The following COG5 variants were observed in gnomAD, a reference collection of about 807,000 sequenced individuals.
The protein encoded by COG5 is component of oligomeric golgi complex 5.
A neutral mutation model predicts 110.4 loss-of-function variants in COG5; 86 were observed. The ratio of observed to expected loss-of-function variants is 0.78; its 90% CI spans 0.65 to 0.93. The LOEUF is 0.93. COG5 is among the 40% of genes least tolerant of loss of function. The pLI is 0.00. For missense variants in COG5, 1,077 were observed against 987.0 expected (o/e 1.09, Z -1.22); for synonymous variants, 360 against 334.6 (o/e 1.08, Z -0.83).
intron 15 of COG5, among the ~76,000 whole-genome samples, chr7:107,257,846 C>A (rs1802998448): frequency 6.6e-6 from 1 of 152,080 alleles, no homozygotes; most frequent in Non-Finnish European, 1.5e-5. Context: ...TTGAATACAG[C>A]TCCTCCCTGA....
intron 10 of COG5, among the ~76,000 whole-genome samples, chr7:107,334,888 CTG>C (rs1259552073): frequency 1.3e-5 from 2 of 152,030 alleles, no homozygotes; most frequent in African/African-American, 4.8e-5. Context: ...AATACTGTAA[CTG>C]TGCTGTGTGA....
chr7:107,203,819 C>A (rs1456298390), intron 21 of COG5, among the ~76,000 whole-genome samples, 189 bp from the exon 22 acceptor site: 1 of 152,182 alleles, frequency 6.6e-6, no homozygotes, highest in Non-Finnish European at 1.5e-5. Flanking sequence ...ACGGTTACTA[C>A]GTTTAGTGTG....
chr7:107,371,678 G>T (rs1814176773), intron 8 of COG5, among the ~76,000 whole-genome samples: 1 of 152,086 alleles, frequency 6.6e-6, no homozygotes, highest in African/African-American at 2.4e-5. Flanking sequence ...GCTGAAGAAA[G>T]AAATTAAGAT....
intron 6 of COG5, among the ~76,000 whole-genome samples, chr7:107,524,941 G>GT (rs1800619199): frequency 6.6e-6 from 1 of 151,978 alleles, no homozygotes; most frequent in South Asian, 2.1e-4. Context: ...TTGTTTGTTT[G>GT]TTTGTTTTGA....
intron 14 of COG5, among the ~76,000 whole-genome samples, chr7:107,270,341 G>A (rs1013019490): frequency 6.7e-6 from 1 of 149,102 alleles, no homozygotes; most frequent in Non-Finnish European, 1.5e-5. Flanking sequence ...GTTCGCTACA[G>A]CCTCCACCTT....
chr7:107,435,930 G>A (rs1794336678), intron 6 of COG5, among the ~76,000 whole-genome samples: 1 of 152,126 alleles, frequency 6.6e-6, no homozygotes, highest in South Asian at 2.1e-4. Flanking sequence ...AGAAAATGTG[G>A]TATACATACA....
At chr7:107,551,520 T>C (rs1357020079) in intron 3 of COG5, among the ~76,000 whole-genome samples, 2 of 152,226 alleles carry the variant, frequency 1.3e-5, no homozygotes, top group East Asian at 3.8e-4. Flanking sequence ...ATTTTTCTAA[T>C]ATGTATACAC....
chr7:107,214,361 C>A (rs1344464717), intron 19 of COG5, among the ~76,000 whole-genome samples: 2 of 152,036 alleles, frequency 1.3e-5, no homozygotes, highest in African/African-American at 2.4e-5. Context: ...GTGCTGCCAA[C>A]CAAAAAAGCT....
chr7:107,463,415 T>C (rs1350760053), intron 6 of COG5, among the ~76,000 whole-genome samples: 3 of 152,226 alleles, frequency 2.0e-5, no homozygotes, highest in Admixed American at 1.3e-4. Flanking sequence ...GGATGATACA[T>C]TATTTTTGCT....
At position 107,403,386 on chromosome 7, in the gene COG5, C is replaced by CT. The variant is rs879845783; in HGVS notation, c.669+9115dup. Among the ~76,000 whole-genome samples the CT allele has an allele frequency of 2.0e-3, 283 of 144,292 alleles. 1 individual carries two copies. The highest frequency in any genetic ancestry group is 5.5e-3 in the African/African-American group (218 of 39,480). 94.7% of individuals were successfully genotyped at this position (144,292 alleles called of 152,430 possible). A position where few individuals can be genotyped will look rare whatever the true frequency, so the allele number is the denominator to read the frequency against. On this transcript the variant is annotated intron_variant, in intron 7 of 21. Transcript: ENST00000297135. ...TGTTCCTAGTTCACAGAAAGACACC[C>CT]TTTTTTTTTTTTTAAATTATACTTT...
intron 10 of COG5, among the ~76,000 whole-genome samples, chr7:107,335,168 C>A (rs945099474): frequency 6.6e-6 from 1 of 152,084 alleles, no homozygotes; most frequent in Non-Finnish European, 1.5e-5. Context: ...GTTGTCATCT[C>A]TTTAAAATAA....
intron 14 of COG5, among the ~76,000 whole-genome samples, chr7:107,262,555 T>C (rs1260495261): frequency 1.3e-5 from 2 of 152,186 alleles, no homozygotes; most frequent in Non-Finnish European, 2.9e-5. Context: ...TGTGAGAAGC[T>C]GAATGAGCTT....
Position 107,474,607 on chromosome 7 carries a change from A to C in COG5, c.538+52630T>G, listed in dbSNP as rs760172905. ...TCCTTTTATTGAGGTAAATTTTTTCAGTCTTCAAAGTGGAAATACCTGGGA... is the reference window on the plus strand; with the variant it reads ...TCCTTTTATTGAGGTAAATTTTTTCCGTCTTCAAAGTGGAAATACCTGGGA... On this transcript the variant is annotated intron_variant, in intron 6 of 21. Transcript: ENST00000297135. The surrounding 1 kb of genome is among the most constrained non-coding windows in gnomAD (Gnocchi z 5.7). The C allele has an allele frequency of 6.2e-7, 1 of 1,609,704 alleles. No homozygotes were observed. Among genetic ancestry groups the C allele is most frequent in the Non-Finnish European group, 8.5e-7 (1 of 1,178,140 alleles).
At chr7:107,354,158 AGTG>A (rs1812418716) in intron 10 of COG5, among the ~76,000 whole-genome samples, 1 of 152,216 alleles carries the variant, frequency 6.6e-6, no homozygotes, top group Non-Finnish European at 1.5e-5. Context: ...ACTTTAGTAA[AGTG>A]AGACATATGA....
intron 19 of COG5, among the ~76,000 whole-genome samples, chr7:107,227,017 T>A (rs531987489): frequency 1.3e-5 from 2 of 152,138 alleles, no homozygotes. Flanking sequence ...ACCTCAGAGA[T>A]ACCAGAATCC....
chr7:107,519,337 C>T (rs922310504), intron 6 of COG5, among the ~76,000 whole-genome samples: 4 of 151,726 alleles, frequency 2.6e-5, no homozygotes, highest in African/African-American at 9.7e-5. Context: ...ACGAAAAATC[C>T]TTCAAAAAAT....
intron 10 of COG5, among the ~76,000 whole-genome samples, chr7:107,347,136 C>A (rs1329856318): frequency 6.6e-6 from 1 of 152,148 alleles, no homozygotes; most frequent in Non-Finnish European, 1.5e-5. Flanking sequence ...AGTTGATTCA[C>A]TCAAACAACT....
At chr7:107,235,484 CA>C (rs1801114228) in intron 18 of COG5, among the ~76,000 whole-genome samples, 1 of 152,228 alleles carries the variant, frequency 6.6e-6, no homozygotes, top group Admixed American at 6.5e-5. Flanking sequence ...GCGGGTGGAT[CA>C]CAAGGTCAGG....
chr7:107,241,752 T>C (rs569177806), intron 17 of COG5, among the ~76,000 whole-genome samples: 1 of 151,988 alleles, frequency 6.6e-6, no homozygotes, highest in Non-Finnish European at 1.5e-5. Flanking sequence ...GCGCCCAGCC[T>C]GTGCTTCATA....
Sources: gnomAD v4.1 joint callset for allele counts (sites outside exome capture counted in the v4.1 genomes callset) on GRCh38, gnomAD v4.1.1 for gene constraint, Gnocchi (gnomAD v3.1) non-coding constraint, MANE v1.5 for transcripts, NCBI Gene and HGNC (gene_info 2026-07-23, HGNC 2026-07-21) for gene names.